Variants in TBL1XR1 observed in about 807,000 individuals in gnomAD.
The protein encoded by TBL1XR1 is TBL1X/Y related 1, also known as F-box-like/WD repeat-containing protein TBL1XR1.
Under a neutral mutation model 66.9 loss-of-function variants are expected in TBL1XR1, and 5 were observed. The ratio of observed to expected loss-of-function variants is 0.07; its 90% confidence interval spans 0.04 to 0.16. The LOEUF is 0.16. Ranked by LOEUF, TBL1XR1 falls within the 10% of genes least tolerant of loss-of-function variation. TBL1XR1 has a pLI of 1.00. For missense variants in TBL1XR1, 238 were observed against 623.2 expected, an observed-to-expected ratio of 0.38 and a Z score of 6.58; for synonymous variants, 210 against 206.0, an observed-to-expected ratio of 1.02 and a Z score of -0.17.
intron 1 of TBL1XR1, among the ~76,000 whole-genome samples, chr3:177,150,771 C>T (rs1320993084): frequency 1.3e-5 from 2 of 152,260 alleles, no homozygotes; most frequent in East Asian, 3.9e-4. Context: ...AAGTAATTAT[C>T]TAAGGACGCT....
At chr3:177,146,205 A>G (rs1297929654) in intron 1 of TBL1XR1, among the ~76,000 whole-genome samples, 1 of 152,078 alleles carries the variant, frequency 6.6e-6, no homozygotes, top group Non-Finnish European at 1.5e-5. Context: ...TTCAGAAGCA[A>G]TTTGCTTTCA....
At chr3:177,181,447 T>C (rs1470672970) in intron 1 of TBL1XR1, among the ~76,000 whole-genome samples, 1 of 141,916 alleles carries the variant, frequency 7.0e-6, no homozygotes, top group Non-Finnish European at 1.5e-5. Context: ...GCCACCACAC[T>C]CCAGCCTGAG....
At chr3:177,064,150 T>G (rs1013274931) in intron 3 of TBL1XR1, among the ~76,000 whole-genome samples, 2 of 152,194 alleles carry the variant, frequency 1.3e-5, no homozygotes, top group African/African-American at 4.8e-5. Context: ...TGCTAAAACA[T>G]TACAGTAACT....
chr3:177,174,523 A>G (rs542414567), intron 1 of TBL1XR1, among the ~76,000 whole-genome samples: 2 of 152,166 alleles, frequency 1.3e-5, no homozygotes, highest in Non-Finnish European at 1.5e-5. Context: ...GCTATTCAGA[A>G]GCAAATTAAT....
At chr3:177,107,423 A>G (rs1725015557) in intron 1 of TBL1XR1, among the ~76,000 whole-genome samples, 1 of 152,246 alleles carries the variant, frequency 6.6e-6, no homozygotes, top group Non-Finnish European at 1.5e-5. Flanking sequence ...ATTAAAACAA[A>G]TATTTCATTT....
intron 1 of TBL1XR1, among the ~76,000 whole-genome samples, chr3:177,135,384 TA>T (rs1728873608): frequency 2.2e-4 from 4 of 18,582 alleles, no homozygotes; most frequent in East Asian, 3.5e-3. Context: ...TATATATATG[TA>T]TGTATTTTTT....
chr3:177,123,024 G>A (rs529423075), intron 1 of TBL1XR1, among the ~76,000 whole-genome samples: 3 of 152,124 alleles, frequency 2.0e-5, no homozygotes, highest in South Asian at 2.1e-4. Flanking sequence ...GTCTTGTGTC[G>A]CACACATGTG....
intron 3 of TBL1XR1, among the ~76,000 whole-genome samples, chr3:177,063,844 G>C (rs147534373): frequency 6.6e-6 from 1 of 152,090 alleles, no homozygotes; most frequent in African/African-American, 2.4e-5. Flanking sequence ...TTACACCTCA[G>C]AGAGGGGCAG....
chr3:177,107,577 A>G (rs1319075516), intron 1 of TBL1XR1, among the ~76,000 whole-genome samples: 2 of 152,164 alleles, frequency 1.3e-5, no homozygotes, highest in African/African-American at 4.8e-5. Context: ...AAATGCTTTC[A>G]ATTTAACTTG....
At chr3:177,096,323 A>AACACACACACACACACAC (rs1723470423) in intron 2 of TBL1XR1, among the ~76,000 whole-genome samples, 1 of 106,018 alleles carries the variant, frequency 9.4e-6, no homozygotes, top group African/African-American at 3.3e-5. Context: ...AACACACACT[A>AACACACACACACACACAC]ACATACATAC....
chr3:177,173,082 C>A (rs1467875837), intron 1 of TBL1XR1, among the ~76,000 whole-genome samples: 1 of 152,036 alleles, frequency 6.6e-6, no homozygotes, highest in East Asian at 1.9e-4. Context: ...AGCTACTCCG[C>A]AGTCTGAGGC....
intron 9 of TBL1XR1, among the ~76,000 whole-genome samples, chr3:177,047,086 T>C (rs1716430399): frequency 6.6e-6 from 1 of 152,158 alleles, no homozygotes; most frequent in African/African-American, 2.4e-5. Context: ...AAATTCCAGG[T>C]AAAATTAAAA....
At chr3:177,045,938 T>C (rs1348637310) in intron 10 of TBL1XR1, among the ~76,000 whole-genome samples, 191 bp downstream of exon 10, 2 of 152,198 alleles carry the variant, frequency 1.3e-5, no homozygotes, top group Non-Finnish European at 2.9e-5. Flanking sequence ...TATGGTACAT[T>C]TCACAGAAAA....
intron 2 of TBL1XR1, among the ~76,000 whole-genome samples, chr3:177,074,817 A>T (rs192805293): frequency 6.6e-6 from 1 of 152,328 alleles, no homozygotes; most frequent in Admixed American, 6.5e-5. Flanking sequence ...CAATAAAGAC[A>T]TAAATACATT....
chr3:177,174,023 C>T (rs1048826029), intron 1 of TBL1XR1, among the ~76,000 whole-genome samples: 5 of 152,104 alleles, frequency 3.3e-5, no homozygotes, highest in African/African-American at 1.2e-4. Context: ...TCAAAAATTA[C>T]ACCCACTAGC....
intron 14 of TBL1XR1, among the ~76,000 whole-genome samples, chr3:177,029,707 T>C (rs531420989): frequency 6.6e-6 from 1 of 152,252 alleles, no homozygotes; most frequent in East Asian, 1.9e-4. Context: ...AAGAAGGTAC[T>C]GGGAGATCAC....
intron 3 of TBL1XR1, among the ~76,000 whole-genome samples, chr3:177,055,185 T>C (rs754516862): frequency 6.6e-6 from 1 of 152,146 alleles, no homozygotes; most frequent in Non-Finnish European, 1.5e-5. Context: ...TAGTGTTTAG[T>C]AATGTCTTTT....
chr3:177,112,222 C>T (rs1028997675), intron 1 of TBL1XR1, among the ~76,000 whole-genome samples: 4 of 149,714 alleles, frequency 2.7e-5, no homozygotes, highest in Admixed American at 1.3e-4. Context: ...ATTCTCCCAC[C>T]TCAGCTTCCC....
chr3:177,127,344 C>T (rs144851944), intron 1 of TBL1XR1, among the ~76,000 whole-genome samples: 22 of 152,140 alleles, frequency 1.4e-4, no homozygotes, highest in Non-Finnish European at 3.1e-4. Context: ...ATTAAAAATT[C>T]TTCTACGATA....
Sources: gnomAD v4.1 joint callset for allele counts (sites outside exome capture counted in the v4.1 genomes callset) on GRCh38, gnomAD v4.1.1 for gene constraint, MANE v1.5 for transcripts, NCBI Gene and HGNC (gene_info 2026-07-23, HGNC 2026-07-21) for gene names.